Variants in ANKS1B observed in about 807,000 individuals in gnomAD.
The protein encoded by ANKS1B is ankyrin repeat and sterile alpha motif domain containing 1B.
Under a neutral mutation model 148.3 loss-of-function variants are expected in ANKS1B, and 36 were observed. The observed-to-expected ratio is 0.24, with a 90% CI of 0.19 to 0.32. The LOEUF is 0.32. Ranked by LOEUF, ANKS1B falls within the 10% of genes least tolerant of loss-of-function variation. The pLI is 1.00. For missense variants in ANKS1B, 1,157 were observed against 1,542.6 expected (o/e 0.75, Z 4.19); for synonymous variants, 542 against 560.8 (o/e 0.97, Z 0.47).
intron 11 of ANKS1B, among the ~76,000 whole-genome samples, chr12:99,432,872 TG>T (rs1371434078): frequency 1.3e-5 from 2 of 152,226 alleles, no homozygotes; most frequent in African/African-American, 4.8e-5. Flanking sequence ...TTAAACAACG[TG>T]GAGAACGGTA....
chr12:99,780,751 A>C (rs936761219), intron 5 of ANKS1B, among the ~76,000 whole-genome samples: 3 of 152,236 alleles, frequency 2.0e-5, no homozygotes, highest in Non-Finnish European at 4.4e-5. Context: ...GTACCATGTA[A>C]GTAACATAAG....
chr12:98,844,195 G>A (rs971674261), intron 17 of ANKS1B, among the ~76,000 whole-genome samples: 3 of 152,164 alleles, frequency 2.0e-5, no homozygotes, highest in South Asian at 2.1e-4. Context: ...ATTACTTAAC[G>A]TCTCTCAGTA....
chr12:99,773,018 C>G lies in ANKS1B; in HGVS notation c.1032G>C (p.Ser344=). The G allele has an allele frequency of 3.7e-6, 6 of 1,610,828 alleles. No individual in the cohort carries two copies. The highest frequency in any genetic ancestry group is 5.1e-6 in the Non-Finnish European group (6 of 1,178,004). Reference sequence around the variant, plus strand: ...ATATTGTGTGGCACAAGTCTTCAAACGAATAATCCTTTTCTTGACAGAGTT... The same window carrying G: ...ATATTGTGTGGCACAAGTCTTCAAAGGAATAATCCTTTTCTTGACAGAGTT... ...EIKLCQEKDY[S]FEDLCHTISD... Residue 344 remains serine (S), a synonymous_variant, in exon 8 of 27, where the codon TCG becomes TCC. Coordinates refer to ENST00000683438, the MANE Select transcript of ANKS1B (RefSeq NM_001352186.2).
chr12:99,736,830 C>A (rs888319387), intron 8 of ANKS1B, among the ~76,000 whole-genome samples: 9 of 151,910 alleles, frequency 5.9e-5, no homozygotes, highest in Admixed American at 3.3e-4. Context: ...ATATAAGGAA[C>A]TCAAATGATT....
chr12:99,908,347 A>T (rs2093869688), intron 1 of ANKS1B, among the ~76,000 whole-genome samples: 1 of 152,124 alleles, frequency 6.6e-6, no homozygotes, highest in Non-Finnish European at 1.5e-5. Context: ...TGGGAGGCTG[A>T]GGCTGGCAGA....
chr12:99,261,341 T>C (rs775452493), intron 12 of ANKS1B, among the ~76,000 whole-genome samples: 7 of 152,140 alleles, frequency 4.6e-5, no homozygotes, highest in Non-Finnish European at 8.8e-5. Flanking sequence ...TCCTACCTCC[T>C]AGGCTGTTCC....
intron 8 of ANKS1B, among the ~76,000 whole-genome samples, chr12:99,664,596 A>G (rs980074370): frequency 2.0e-5 from 3 of 152,144 alleles, no homozygotes; most frequent in Non-Finnish European, 2.9e-5. Context: ...GAAAGAAAGA[A>G]AAGATGACAT....
chr12:98,764,111 G>GT (rs2098449368), intron 25 of ANKS1B, among the ~76,000 whole-genome samples: 1 of 152,198 alleles, frequency 6.6e-6, no homozygotes, highest in Non-Finnish European at 1.5e-5. Flanking sequence ...TCTTTATCCT[G>GT]TAACTTGGCC....
At chr12:99,290,285 G>GAA (rs796594786) in intron 12 of ANKS1B, among the ~76,000 whole-genome samples, 3,143 of 88,922 alleles carry the variant, frequency 0.035, 131 homozygotes, top group African/African-American at 0.097. Flanking sequence ...AAGTCTCCCA[G>GAA]AAAAAAAAAA....
rs1232756597 is a variant in ANKS1B at position 98,818,467 on chromosome 12, C to T, written c.3067-10549G>A. 3.3e-5 allele frequency among the ~76,000 whole-genome samples: 5 copies of T among 152,274 alleles called. 1 individual carries two copies. Among genetic ancestry groups the T allele is most frequent in the South Asian group, 4.1e-4 (2 of 4,822 alleles). On this transcript the variant is annotated intron_variant, in intron 19 of 26. Coordinates refer to ENST00000683438, the MANE Select transcript of ANKS1B (RefSeq NM_001352186.2). Reference sequence around the variant, plus strand: ...AAAAAATGAGCATTGCCTGTACAATCCAGCTCTCATTGTGCAGCTCCCCAG... The same window carrying T: ...AAAAAATGAGCATTGCCTGTACAATTCAGCTCTCATTGTGCAGCTCCCCAG...
intron 15 of ANKS1B, among the ~76,000 whole-genome samples, chr12:99,095,568 T>TA (rs539006896): frequency 5.3e-5 from 8 of 152,288 alleles, no homozygotes; most frequent in African/African-American, 1.9e-4. Flanking sequence ...TAGTTCTGCA[T>TA]AAAAAACGTT....
Position 99,414,345 on chromosome 12 carries a change from T to C in ANKS1B, c.1576-14534A>G, listed in dbSNP as rs557239481. On this transcript the variant is annotated intron_variant, in intron 11 of 26. Transcript: ENST00000683438. ...AGTAAAATTGAACTCTTTCCCTTCT[T>C]AGACATCACTAGTAAGAGTATAAAG... 2.7e-3 allele frequency among the ~76,000 whole-genome samples: 405 copies of C among 152,264 alleles called. 4 individuals carry two copies. Among genetic ancestry groups the C allele is most frequent in the African/African-American group, 9.5e-3 (393 of 41,542 alleles).
intron 11 of ANKS1B, among the ~76,000 whole-genome samples, chr12:99,417,623 A>G (rs1159521697): frequency 2.0e-5 from 3 of 152,106 alleles, no homozygotes; most frequent in Non-Finnish European, 4.4e-5. Flanking sequence ...TTAAATCTAA[A>G]TATCAATTTG....
rs182536444 is a variant in ANKS1B, at chr12:99,640,126, T to A, written c.1272+14941A>T. Among the ~76,000 whole-genome samples, 78 of 152,186 alleles carry A rather than the reference T, an allele frequency of 5.1e-4. 1 individual carries two copies. Among genetic ancestry groups the A allele is most frequent in the Non-Finnish European group, 1.8e-4 (12 of 67,996 alleles). ...GGCAGAGGTTGCAGTGAGCCAAGAT[T>A]GTGCCACTGCACTCCAGCCTGGGTG... On this transcript the variant is annotated intron_variant, in intron 9 of 26. Transcript: ENST00000683438.
chr12:99,646,353 C>A (rs1403081210), intron 9 of ANKS1B, among the ~76,000 whole-genome samples: 1 of 152,102 alleles, frequency 6.6e-6, no homozygotes, highest in Non-Finnish European at 1.5e-5. Context: ...TTTGCATTGA[C>A]TTATGCAACT....
intron 12 of ANKS1B, among the ~76,000 whole-genome samples, chr12:99,316,745 A>G (rs2084183598): frequency 6.6e-6 from 1 of 152,196 alleles, no homozygotes; most frequent in African/African-American, 2.4e-5. Context: ...GTCCTTGCCC[A>G]TGCCTATGGC....
At chr12:99,626,037 AG>A (rs2098109761) in intron 9 of ANKS1B, among the ~76,000 whole-genome samples, 1 of 152,264 alleles carries the variant, frequency 6.6e-6, no homozygotes, top group Non-Finnish European at 1.5e-5. Flanking sequence ...ATCAACTAAA[AG>A]ATACCTAAAT....
intron 15 of ANKS1B, among the ~76,000 whole-genome samples, chr12:99,095,463 A>G (rs1465941409): frequency 6.6e-6 from 1 of 152,204 alleles, no homozygotes; most frequent in Non-Finnish European, 1.5e-5. Context: ...CAGTTCAGAG[A>G]AGGTGACAGC....
intron 15 of ANKS1B, among the ~76,000 whole-genome samples, chr12:99,149,073 G>C (rs1225032365): frequency 6.6e-6 from 1 of 151,576 alleles, no homozygotes; most frequent in Admixed American, 6.6e-5. Flanking sequence ...ACGGGGGGAG[G>C]GGGGTGACTA....
Sources: allele counts gnomAD v4.1 joint callset (sites outside exome capture counted in the v4.1 genomes callset), GRCh38; gene constraint gnomAD v4.1.1; transcripts MANE v1.5; gene names NCBI Gene and HGNC (gene_info 2026-07-23, HGNC 2026-07-21).